The following TBC1D14 variants were observed in gnomAD, a reference collection of about 807,000 sequenced individuals.
TBC1D14 encodes TBC1 domain family member 14, also known as TBC1 domain family, member 14.
A neutral mutation model predicts 79.0 loss-of-function variants in TBC1D14; 26 were observed. The observed-to-expected ratio is 0.33, with a 90% CI of 0.24 to 0.46. TBC1D14 has a LOEUF of 0.46. TBC1D14 is among the 20% of genes least tolerant of loss of function. TBC1D14 has a pLI of 1.00. For missense variants in TBC1D14, 769 were observed against 887.6 expected (o/e 0.87, Z 1.70); for synonymous variants, 394 against 349.9 (o/e 1.13, Z -1.40).
intron 8 of TBC1D14, 96 bp downstream of exon 8, chr4:7,005,020 G>A: frequency 8.8e-7 from 1 of 1,132,848 alleles, no homozygotes; most frequent in Non-Finnish European, 1.3e-6. Flanking sequence ...CTACAGTAGA[G>A]ATTGTTGTGG....
chr4:6,932,079 G>A (rs1308029061), intron 2 of TBC1D14, among the ~76,000 whole-genome samples: 1 of 152,126 alleles, frequency 6.6e-6, no homozygotes, highest in Non-Finnish European at 1.5e-5. Context: ...ACTTGAAGGT[G>A]GCCAGGCGGG....
At chr4:6,974,262 G>A (rs1716511067) in intron 3 of TBC1D14, among the ~76,000 whole-genome samples, 1 of 152,130 alleles carries the variant, frequency 6.6e-6, no homozygotes, top group African/African-American at 2.4e-5. Flanking sequence ...GAAGAATTTT[G>A]TTTCCAAGGG....
At chr4:6,923,276 C>G (rs1374331972) in intron 1 of TBC1D14, 97 bp from the exon 2 acceptor site, 2 of 1,372,714 alleles carry the variant, frequency 1.5e-6, no homozygotes, top group South Asian at 2.9e-5. Context: ...AAGGCTTTCT[C>G]CCTTAAGTGA....
chr4:6,987,956 C>T (rs1308635266), intron 3 of TBC1D14, among the ~76,000 whole-genome samples: 1 of 152,200 alleles, frequency 6.6e-6, no homozygotes, highest in East Asian at 1.9e-4. Flanking sequence ...ACTTAGAGAA[C>T]GCTTTCCAGG....
intron 3 of TBC1D14, among the ~76,000 whole-genome samples, chr4:6,988,885 C>CTTTTTTTTTTTT (rs34268749): frequency 7.4e-4 from 57 of 76,822 alleles, no homozygotes; most frequent in South Asian, 1.7e-3. Flanking sequence ...TTCTTTCTTT[C>CTTTTTTTTTTTT]TTTTTTTTTT....
Position 6,923,631 on chromosome 4 carries a change from G to A in TBC1D14, c.242G>A (p.Cys81Tyr). 1 of 1,613,978 alleles carries A rather than the reference G, an allele frequency of 6.2e-7. No individual in the cohort carries two copies. The highest frequency in any genetic ancestry group is 8.5e-7 in the Non-Finnish European group (1 of 1,180,032). ...LEIGNPEPVP[C>Y]SAVHVRRKQS... ...ATCGGGAACCCGGAGCCTGTACCCT[G>A]CAGCGCGGTCCACGTGAGGAGGAAG... The change falls in exon 2 of 14, where the codon TGC becomes TAC. Residue 81 changes from cysteine to tyrosine, a missense_variant. Physicochemically the swap from Cys to Tyr is radical, Grantham distance 194 (BLOSUM62 -2). This residue lies in a region of TBC1D14 where 402 missense variants were observed against 393.2 expected (regional missense o/e 1.02). Coordinates refer to ENST00000409757, the MANE Select transcript of TBC1D14 (RefSeq NM_020773.3).
intron 3 of TBC1D14, among the ~76,000 whole-genome samples, chr4:6,981,702 C>CACA (rs1443928265): frequency 6.6e-6 from 1 of 152,204 alleles, no homozygotes; most frequent in Non-Finnish European, 1.5e-5. Context: ...AGCCCAGGAA[C>CACA]ACAAGGCTGG....
chr4:6,972,954 T>G lies in TBC1D14; in HGVS notation c.843+5530T>G, dbSNP rs971422872. Among the ~76,000 whole-genome samples the G allele has an allele frequency of 2.4e-4, 36 of 152,210 alleles. 1 individual carries two copies. Among genetic ancestry groups the G allele is most frequent in the Admixed American group, 1.8e-3 (27 of 15,280 alleles). ...ACAGACTCGGTAACTCTTTCCGACA[T>G]AACACTGTGTACATAGGCTGTAGGG... is the stretch of plus-strand genomic sequence containing the variant. On this transcript the variant is annotated intron_variant, in intron 3 of 13. Transcript: ENST00000409757.
At chr4:7,013,286 G>A (rs1435771458) in intron 11 of TBC1D14, among the ~76,000 whole-genome samples, 3 of 152,220 alleles carry the variant, frequency 2.0e-5, no homozygotes, top group African/African-American at 2.4e-5. Context: ...CGGTTATGAC[G>A]ACCAGAAGTA....
intron 13 of TBC1D14, 24 bp downstream of exon 13, chr4:7,025,286 C>A: frequency 6.2e-7 from 1 of 1,613,176 alleles, no homozygotes; most frequent in Non-Finnish European, 8.5e-7. Context: ...GTGTTCTTGG[C>A]TTCCCACAGC....
At chr4:7,011,920 T>C (rs1560347804) in intron 11 of TBC1D14, among the ~76,000 whole-genome samples, 1 of 152,154 alleles carries the variant, frequency 6.6e-6, no homozygotes, top group Non-Finnish European at 1.5e-5. Context: ...TCTAATACTT[T>C]AGATCATCTA....
chr4:6,964,912 G>A (rs1445805223), intron 2 of TBC1D14, among the ~76,000 whole-genome samples: 2 of 152,086 alleles, frequency 1.3e-5, no homozygotes, highest in African/African-American at 4.8e-5. Flanking sequence ...GTGTGCATTT[G>A]GCTCCATTTG....
At position 6,958,413 on chromosome 4, in the gene TBC1D14, G is replaced by A. The variant is rs146072753; in HGVS notation, c.723-8891G>A. The stretch of plus-strand genomic sequence containing the variant: ...CACACACACACACACAGATATTACT[G>A]AACAATCTTTTTATGCTTTATTTAT... On this transcript the variant is annotated intron_variant, in intron 2 of 13. Coordinates refer to ENST00000409757, the MANE Select transcript of TBC1D14 (RefSeq NM_020773.3). Among the ~76,000 whole-genome samples, 21 of 85,882 alleles carry A rather than the reference G, an allele frequency of 2.4e-4. No homozygotes were observed. In the East Asian group the frequency reaches 8.2e-3, roughly 33 times the overall value. The allele number at this position is 85,882 out of a possible 152,430, so 56.3% of individuals were successfully genotyped here.
chr4:6,984,138 ACT>A (rs982100461), intron 3 of TBC1D14, among the ~76,000 whole-genome samples: 39 of 151,984 alleles, frequency 2.6e-4, no homozygotes, highest in African/African-American at 7.7e-4. Flanking sequence ...GGTTGGGAAG[ACT>A]CTGGCTTTGG....
At chr4:7,002,974 C>T (rs1045354028) in intron 7 of TBC1D14, among the ~76,000 whole-genome samples, 3 of 152,198 alleles carry the variant, frequency 2.0e-5, no homozygotes, top group Non-Finnish European at 4.4e-5. Context: ...GGCCAGGACT[C>T]TGATCCTAGG....
intron 12 of TBC1D14, among the ~76,000 whole-genome samples, chr4:7,022,840 A>G (rs1345811793): frequency 1.3e-5 from 2 of 152,018 alleles, no homozygotes; most frequent in Non-Finnish European, 2.9e-5. Context: ...TAAATAAAAA[A>G]AAGAACAAAC....
At chr4:7,002,313 T>A (rs1383087093) in intron 7 of TBC1D14, among the ~76,000 whole-genome samples, 4 of 152,232 alleles carry the variant, frequency 2.6e-5, no homozygotes, top group Non-Finnish European at 4.4e-5. Context: ...TTTAAAAGTA[T>A]CCTCAGAAGT....
intron 2 of TBC1D14, among the ~76,000 whole-genome samples, chr4:6,927,935 C>T (rs1449191663): frequency 6.6e-6 from 1 of 151,950 alleles, no homozygotes; most frequent in African/African-American, 2.4e-5. Context: ...TGTAGATTAA[C>T]AGTATTTATT....
intron 2 of TBC1D14, among the ~76,000 whole-genome samples, chr4:6,947,895 G>A (rs1713638912): frequency 6.6e-6 from 1 of 152,140 alleles, no homozygotes; most frequent in Non-Finnish European, 1.5e-5. Flanking sequence ...TATCTGGCAG[G>A]TTTTATGTCA....
Sources: gnomAD v4.1 joint callset for allele counts (sites outside exome capture counted in the v4.1 genomes callset) on GRCh38, gnomAD v4.1.1 for gene constraint, gnomAD v4.1.1 regional missense constraint, MANE v1.5 for transcripts, NCBI Gene and HGNC (gene_info 2026-07-23, HGNC 2026-07-21) for gene names.